The following CPNE4 variants were observed in gnomAD, a reference collection of about 807,000 sequenced individuals.
The protein encoded by CPNE4 is copine-4.
Under a neutral mutation model 67.9 loss-of-function variants are expected in CPNE4, and 25 were observed. The observed-to-expected ratio is 0.37, with a 90% CI of 0.27 to 0.51. CPNE4 has a LOEUF of 0.51. CPNE4 is among the 20% of genes least tolerant of loss of function. CPNE4 has a pLI of 0.93. For missense variants in CPNE4, 464 were observed against 690.8 expected (o/e 0.67, Z 3.68); for synonymous variants, 242 against 244.9 (o/e 0.99, Z 0.11).
chr3:131,705,123 T>C (rs372854213), intron 3 of CPNE4, among the ~76,000 whole-genome samples: 5 of 144,674 alleles, frequency 3.5e-5, no homozygotes, highest in African/African-American at 1.2e-4. Context: ...TTCCCTTCAA[T>C]TGAAAATTTT....
intron 2 of CPNE4, among the ~76,000 whole-genome samples, chr3:131,779,066 A>C (rs551694935): frequency 3.5e-4 from 54 of 152,208 alleles, no homozygotes; most frequent in Admixed American, 3.2e-3. Context: ...AGCCAAAACA[A>C]GAATGCAATC....
intron 9 of CPNE4, among the ~76,000 whole-genome samples, chr3:131,579,649 T>C (rs1937659595): frequency 1.3e-5 from 2 of 152,110 alleles, no homozygotes; most frequent in Non-Finnish European, 2.9e-5. Flanking sequence ...AGAAGTAGAT[T>C]TTAACCCTCT....
chr3:132,018,343 G>A (rs1366314138), intron 1 of CPNE4, among the ~76,000 whole-genome samples: 2 of 152,276 alleles, frequency 1.3e-5, no homozygotes, highest in South Asian at 2.1e-4. Context: ...GTTTCTCCAA[G>A]GGAACTGTGG....
intron 1 of CPNE4, among the ~76,000 whole-genome samples, chr3:131,985,333 T>C (rs1285274946): frequency 6.6e-6 from 1 of 152,154 alleles, no homozygotes; most frequent in South Asian, 2.1e-4. Context: ...CTCAAACTAC[T>C]TGCACCCAAA....
intron 3 of CPNE4, among the ~76,000 whole-genome samples, chr3:131,707,485 G>A (rs2081442060): frequency 6.6e-6 from 1 of 152,162 alleles, no homozygotes; most frequent in South Asian, 2.1e-4. Flanking sequence ...ATATTCACAG[G>A]ATTTAGGACT....
chr3:131,591,701 C>A (rs1938541817), intron 7 of CPNE4, among the ~76,000 whole-genome samples: 1 of 152,136 alleles, frequency 6.6e-6, no homozygotes, highest in African/African-American at 2.4e-5. Flanking sequence ...TTATTTTGAC[C>A]TTTCTGAGAA....
chr3:131,886,312 G>T (rs943544839), intron 2 of CPNE4, among the ~76,000 whole-genome samples: 1 of 152,224 alleles, frequency 6.6e-6, no homozygotes, highest in African/African-American at 2.4e-5. Flanking sequence ...TGAGCCTGCA[G>T]GTACACAGAA....
intron 1 of CPNE4, among the ~76,000 whole-genome samples, chr3:132,029,567 A>G (rs1420389446): frequency 1.3e-5 from 2 of 152,128 alleles, no homozygotes; most frequent in Admixed American, 6.5e-5. Context: ...GACCCCTGCC[A>G]GCCTGATTTT....
intron 8 of CPNE4, among the ~76,000 whole-genome samples, chr3:131,585,973 T>C (rs971585627): frequency 7.9e-5 from 12 of 152,154 alleles, no homozygotes; most frequent in African/African-American, 2.9e-4. Flanking sequence ...ATTGTTTCCA[T>C]TGAGTTTCCA....
chr3:131,792,094 G>T (rs1158177173), intron 2 of CPNE4, among the ~76,000 whole-genome samples: 3 of 152,078 alleles, frequency 2.0e-5, no homozygotes, highest in Non-Finnish European at 2.9e-5. Flanking sequence ...AGGCAGGAAT[G>T]GTTGCAATGA....
At chr3:131,867,323 G>T (rs2086994038) in intron 2 of CPNE4, among the ~76,000 whole-genome samples, 1 of 152,036 alleles carries the variant, frequency 6.6e-6, no homozygotes. Context: ...AGGTGATAAA[G>T]TGAGAACCCT....
At chr3:131,717,958 T>C (rs1008815543) in intron 3 of CPNE4, among the ~76,000 whole-genome samples, 16 of 148,984 alleles carry the variant, frequency 1.1e-4, no homozygotes, top group African/African-American at 3.3e-4. Flanking sequence ...TTTCTTTCTC[T>C]CTTTCTTTCT....
intron 3 of CPNE4, among the ~76,000 whole-genome samples, chr3:131,702,241 C>G (rs927597488): frequency 1.3e-5 from 2 of 152,168 alleles, no homozygotes; most frequent in Non-Finnish European, 2.9e-5. Flanking sequence ...AATGGAAACT[C>G]TCACTTAAGG....
intron 1 of CPNE4, among the ~76,000 whole-genome samples, chr3:131,953,188 A>C (rs182921612): frequency 1.5e-4 from 22 of 145,006 alleles, no homozygotes; most frequent in Admixed American, 1.3e-3. Context: ...CACTATTGTC[A>C]TATGACCCTG....
Position 131,535,093 on chromosome 3 carries a change from T to C in CPNE4, c.*102A>G. Reference sequence around the variant, plus strand: ...CCAAAACGTGCTATTTTTAAATGTGTATATGTTGTTGGTTTTTTAAAGTAC... The same window carrying C: ...CCAAAACGTGCTATTTTTAAATGTGCATATGTTGTTGGTTTTTTAAAGTAC... On this transcript the variant is annotated 3_prime_UTR_variant, in exon 16 of 16. Transcript: ENST00000429747. The C allele has an allele frequency of 8.1e-7, 1 of 1,235,586 alleles. No individual in the cohort carries two copies. 76.5% of individuals were successfully genotyped at this position (1,235,586 alleles called of 1,614,324 possible).
chr3:131,712,410 C>T lies in CPNE4; in HGVS notation c.360+11036G>A, dbSNP rs188097697. Among the ~76,000 whole-genome samples the T allele has an allele frequency of 4.0e-3, 604 of 152,286 alleles. 2 individuals carry two copies. The highest frequency in any genetic ancestry group is 0.01 in the Admixed American group (155 of 15,304). On this transcript the variant is annotated intron_variant, in intron 3 of 15. Coordinates refer to ENST00000429747, the MANE Select transcript of CPNE4 (RefSeq NM_130808.3). ...TAATAGTTAGGACCATATTTTTAAT[C>T]CCCTGTTGGGACAGGTTAGCTTTTT...
At chr3:131,978,185 A>AT (rs1404566633) in intron 1 of CPNE4, among the ~76,000 whole-genome samples, 2 of 59,704 alleles carry the variant, frequency 3.3e-5, no homozygotes, top group African/African-American at 2.1e-4. Flanking sequence ...AAATATATAT[A>AT]ATATATTTAT....
chr3:131,846,910 CAGA>C (rs2086020835), intron 2 of CPNE4, among the ~76,000 whole-genome samples: 1 of 152,142 alleles, frequency 6.6e-6, no homozygotes, highest in Non-Finnish European at 1.5e-5. Flanking sequence ...GAAAATTAAG[CAGA>C]AGCTCTATTT....
intron 1 of CPNE4, among the ~76,000 whole-genome samples, chr3:131,933,393 T>C (rs1255156388): frequency 6.6e-6 from 1 of 152,108 alleles, no homozygotes; most frequent in Non-Finnish European, 1.5e-5. Context: ...GGAATATGTA[T>C]GTGTAGAAAA....
Sources: allele counts gnomAD v4.1 joint callset (sites outside exome capture counted in the v4.1 genomes callset), GRCh38; gene constraint gnomAD v4.1.1; transcripts MANE v1.5; gene names NCBI Gene and HGNC (gene_info 2026-07-23, HGNC 2026-07-21).